FGF12: variants seen among roughly 807,000 people sequenced by gnomAD.
FGF12 encodes fibroblast growth factor 12.
FGF12 carries 14 observed loss-of-function variants against 23.6 expected under a neutral mutation model. That is an observed-to-expected ratio of 0.59 (90% CI 0.39 to 0.93). The LOEUF (loss-of-function observed/expected upper bound fraction) is 0.93, where lower values mean the gene tolerates loss of function less well. Ranked by LOEUF, FGF12 falls within the 40% of genes least tolerant of loss-of-function variation. FGF12 has a pLI of 0.00. For synonymous variants in FGF12, 62 were observed against 77.3 expected (o/e 0.80, Z 1.04); for missense variants, 175 against 217.8 (o/e 0.80, Z 1.24).
chr3:192,345,875 A>G (rs1224684006), intron 3 of FGF12, among the ~76,000 whole-genome samples: 1 of 152,218 alleles, frequency 6.6e-6, no homozygotes, highest in African/African-American at 2.4e-5. Flanking sequence ...AATTACACAC[A>G]GGCAACACAA....
intron 3 of FGF12, among the ~76,000 whole-genome samples, chr3:192,342,541 C>T (rs1397225578): frequency 2.6e-5 from 4 of 152,076 alleles, no homozygotes; most frequent in Admixed American, 2.6e-4. Flanking sequence ...GAGGCTAAGG[C>T]AGGAGAATCA....
At chr3:192,209,533 C>T (rs1642187884) in intron 4 of FGF12, among the ~76,000 whole-genome samples, 1 of 152,190 alleles carries the variant, frequency 6.6e-6, no homozygotes, top group African/African-American at 2.4e-5. Flanking sequence ...TTCTTGTCTA[C>T]ATAAATTATC....
chr3:192,583,138 A>G (rs776688430), intron 2 of FGF12, among the ~76,000 whole-genome samples: 9 of 152,172 alleles, frequency 5.9e-5, no homozygotes, highest in Non-Finnish European at 1.2e-4. Context: ...GCATTGCTAA[A>G]TGATATCCAG....
chr3:192,477,974 A>G (rs1723373944), intron 2 of FGF12, among the ~76,000 whole-genome samples: 2 of 152,194 alleles, frequency 1.3e-5, no homozygotes, highest in South Asian at 4.1e-4. Context: ...GGGCATCCAT[A>G]GGTTACCTCT....
intron 2 of FGF12, among the ~76,000 whole-genome samples, chr3:192,468,011 T>A (rs1274112497): frequency 6.6e-6 from 1 of 152,128 alleles, no homozygotes; most frequent in Non-Finnish European, 1.5e-5. Flanking sequence ...TGGACCAGGG[T>A]TCACCAAGGA....
intron 5 of FGF12, among the ~76,000 whole-genome samples, chr3:192,156,019 A>G (rs1033855889): frequency 6.6e-6 from 1 of 152,150 alleles, no homozygotes; most frequent in African/African-American, 2.4e-5. Flanking sequence ...TTATTTCACC[A>G]GGAATAGATT....
chr3:192,454,290 G>C (rs1336725031), intron 2 of FGF12, among the ~76,000 whole-genome samples: 1 of 151,978 alleles, frequency 6.6e-6, no homozygotes, highest in Non-Finnish European at 1.5e-5. Flanking sequence ...CACCCACCTC[G>C]GCCTCCCAAA....
chr3:192,561,473 C>T (rs962322016), intron 2 of FGF12, among the ~76,000 whole-genome samples: 3 of 152,062 alleles, frequency 2.0e-5, no homozygotes, highest in African/African-American at 7.2e-5. Flanking sequence ...AGCGATTCTC[C>T]TGCCTCAGCC....
At chr3:192,589,980 G>A (rs1438892655) in intron 2 of FGF12, among the ~76,000 whole-genome samples, 3 of 151,790 alleles carry the variant, frequency 2.0e-5, no homozygotes, top group African/African-American at 7.2e-5. Flanking sequence ...ATGGAGGTTG[G>A]TATTGTTTTT....
At chr3:192,193,211 C>A (rs1577222194) in intron 4 of FGF12, among the ~76,000 whole-genome samples, 2 of 152,160 alleles carry the variant, frequency 1.3e-5, no homozygotes, top group African/African-American at 4.8e-5. Flanking sequence ...GTCTCGCTTG[C>A]CTTGCTCTAG....
At chr3:192,256,900 G>T (rs772608179) in intron 4 of FGF12, among the ~76,000 whole-genome samples, 2 of 152,054 alleles carry the variant, frequency 1.3e-5, no homozygotes, top group African/African-American at 4.8e-5. Flanking sequence ...GTGACTATAT[G>T]GAAATTAATA....
At chr3:192,250,747 G>T (rs1002606490) in intron 4 of FGF12, among the ~76,000 whole-genome samples, 2 of 151,862 alleles carry the variant, frequency 1.3e-5, no homozygotes, top group African/African-American at 4.8e-5. Flanking sequence ...GTGCTGTAAA[G>T]AATTCAATAC....
chr3:192,329,081 T>C (rs1329075583), intron 4 of FGF12, among the ~76,000 whole-genome samples: 3 of 152,190 alleles, frequency 2.0e-5, no homozygotes, highest in East Asian at 1.9e-4. Context: ...CTGAGAATCT[T>C]CCTTTACCAG....
At position 192,710,515 on chromosome 3, in the gene FGF12, G is replaced by A. The variant is rs555458528; in HGVS notation, c.13+16666C>T. ...TATATTTTTCAGATCTGAGAAAGCT[G>A]AGGTCCTAAGTCAGCAGTGGAGAAA... On this transcript the variant is annotated intron_variant, in intron 2 of 5. Coordinates refer to ENST00000445105, the MANE Select transcript of FGF12 (RefSeq NM_004113.6). Among the ~76,000 whole-genome samples, 39 of 152,310 alleles carry A rather than the reference G, an allele frequency of 2.6e-4. No individual in the cohort carries two copies. The South Asian group carries it at 8.1e-3, about 32-fold the overall frequency.
chr3:192,327,603 C>T (rs768653634), intron 4 of FGF12, among the ~76,000 whole-genome samples: 28 of 119,196 alleles, frequency 2.3e-4, no homozygotes, highest in Non-Finnish European at 4.9e-4. Context: ...ATATTAACCA[C>T]TAAAATGCCA....
chr3:192,688,215 T>C (rs1165112213), intron 2 of FGF12, among the ~76,000 whole-genome samples: 3 of 151,640 alleles, frequency 2.0e-5, no homozygotes, highest in African/African-American at 7.3e-5. Flanking sequence ...ATTGCCAATG[T>C]CATGGACCCC....
intron 3 of FGF12, among the ~76,000 whole-genome samples, chr3:192,344,099 C>G (rs1055667552): frequency 3.3e-5 from 5 of 152,136 alleles, no homozygotes; most frequent in African/African-American, 1.2e-4. Context: ...AATAATGGAA[C>G]ACTAGGCATA....
intron 2 of FGF12, among the ~76,000 whole-genome samples, chr3:192,504,301 C>T (rs1724229740): frequency 6.6e-6 from 1 of 152,092 alleles, no homozygotes; most frequent in Non-Finnish European, 1.5e-5. Context: ...ACACAATTTA[C>T]CTGTGTAACA....
At chr3:192,221,644 G>A (rs1415245812) in intron 4 of FGF12, among the ~76,000 whole-genome samples, 2 of 151,872 alleles carry the variant, frequency 1.3e-5, no homozygotes, top group Non-Finnish European at 2.9e-5. Context: ...TTAAAGCTGG[G>A]GCAAATCAAG....
Sources: gnomAD v4.1 joint callset for allele counts (sites outside exome capture counted in the v4.1 genomes callset) on GRCh38, gnomAD v4.1.1 for gene constraint, MANE v1.5 for transcripts, NCBI Gene and HGNC (gene_info 2026-07-23, HGNC 2026-07-21) for gene names.